CAMK1D: variants seen among roughly 807,000 people sequenced by gnomAD.
CAMK1D encodes the protein calcium/calmodulin-dependent protein kinase type 1D.
In CAMK1D, 9 loss-of-function variants were observed where a neutral mutation model predicts 47.7. The observed-to-expected ratio is 0.19, with a 90% CI of 0.11 to 0.33. The LOEUF is 0.33. CAMK1D is among the 10% of genes least tolerant of loss of function. CAMK1D has a pLI of 1.00. For synonymous variants in CAMK1D, 184 were observed against 184.9 expected (o/e 0.99, Z 0.04); for missense variants, 291 against 488.7 (o/e 0.60, Z 3.81).
intron 1 of CAMK1D, among the ~76,000 whole-genome samples, chr10:12,523,114 G>A (rs1183564205): frequency 2.0e-5 from 3 of 151,610 alleles, no homozygotes; most frequent in African/African-American, 4.8e-5. Flanking sequence ...CAGACGGGGC[G>A]GCTGGGCAGA....
At chr10:12,645,648 T>C (rs1839791553) in intron 2 of CAMK1D, among the ~76,000 whole-genome samples, 1 of 152,200 alleles carries the variant, frequency 6.6e-6, no homozygotes, top group Non-Finnish European at 1.5e-5. Context: ...CACCAAGTGC[T>C]CTAGTCCTAT....
intron 2 of CAMK1D, among the ~76,000 whole-genome samples, chr10:12,635,004 C>T (rs540903373): frequency 1.9e-4 from 29 of 152,290 alleles, no homozygotes; most frequent in Middle Eastern, 3.4e-3. Context: ...AGAGAGGATG[C>T]AGCCGTGACC....
intron 10 of CAMK1D, 102 bp from the exon 11 acceptor site, chr10:12,828,667 C>CCT (rs1554832121): frequency 4.8e-6 from 4 of 839,378 alleles, no homozygotes; most frequent in Middle Eastern, 3.6e-4. Context: ...TGGGCCCCCC[C>CCT]GCCCCCCACC....
chr10:12,397,225 C>T (rs1838995268), intron 1 of CAMK1D, among the ~76,000 whole-genome samples: 1 of 152,066 alleles, frequency 6.6e-6, no homozygotes. Flanking sequence ...CTGTTTTTAA[C>T]ATAAGAGCTG....
At chr10:12,601,193 GTTTTTTT>G (rs770880351) in intron 2 of CAMK1D, among the ~76,000 whole-genome samples, 2 of 43,914 alleles carry the variant, frequency 4.6e-5, no homozygotes, top group African/African-American at 5.9e-5. Context: ...TTGTTTGTTT[GTTTTTTT>G]TTTTTTTTTG....
intron 1 of CAMK1D, among the ~76,000 whole-genome samples, chr10:12,495,290 G>A (rs760575326): frequency 6.6e-6 from 1 of 152,160 alleles, no homozygotes; most frequent in Admixed American, 6.5e-5. Flanking sequence ...AGATTCAGGC[G>A]AACATCCATT....
chr10:12,721,533 CA>C (rs1834377462), intron 3 of CAMK1D, among the ~76,000 whole-genome samples: 2 of 152,010 alleles, frequency 1.3e-5, no homozygotes, highest in African/African-American at 4.8e-5. Flanking sequence ...TCCATCCATC[CA>C]TCCATCCATC....
chr10:12,612,648 G>A (rs1838665088), intron 2 of CAMK1D, among the ~76,000 whole-genome samples: 1 of 152,140 alleles, frequency 6.6e-6, no homozygotes, highest in African/African-American at 2.4e-5. Flanking sequence ...GAGAAAGTGG[G>A]TCCTGGATGG....
intron 3 of CAMK1D, among the ~76,000 whole-genome samples, chr10:12,690,577 A>G (rs967030163): frequency 7.2e-5 from 11 of 152,222 alleles, no homozygotes; most frequent in African/African-American, 2.7e-4. Context: ...TTTTAGCCTC[A>G]CAGTGAGGTA....
intron 2 of CAMK1D, among the ~76,000 whole-genome samples, chr10:12,637,058 A>T (rs919507861): frequency 6.6e-6 from 1 of 151,604 alleles, no homozygotes; most frequent in East Asian, 1.9e-4. Context: ...TGCAACCTCC[A>T]CCTCCCGGGC....
chr10:12,546,074 C>T (rs949635442), intron 1 of CAMK1D, among the ~76,000 whole-genome samples: 15 of 152,118 alleles, frequency 9.9e-5, no homozygotes, highest in African/African-American at 2.7e-4. Flanking sequence ...CCACGGGTAA[C>T]GTGCAAAGGG....
At chr10:12,717,930 A>G (rs1029659705) in intron 3 of CAMK1D, among the ~76,000 whole-genome samples, 2 of 151,998 alleles carry the variant, frequency 1.3e-5, no homozygotes, top group African/African-American at 4.8e-5. Flanking sequence ...ATGCAAAGAA[A>G]GAAATTTCAG....
intron 1 of CAMK1D, among the ~76,000 whole-genome samples, chr10:12,421,379 A>G (rs1840042928): frequency 6.6e-6 from 1 of 152,142 alleles, no homozygotes; most frequent in South Asian, 2.1e-4. Flanking sequence ...CCGGAGCTTC[A>G]AACCCAGATG....
chr10:12,407,218 A>G (rs2724789), intron 1 of CAMK1D, among the ~76,000 whole-genome samples: 2,308 of 152,316 alleles, frequency 0.015, 72 homozygotes, highest in African/African-American at 0.053. Flanking sequence ...TGAGGAACCC[A>G]GGGCAGGAGG....
intron 1 of CAMK1D, among the ~76,000 whole-genome samples, chr10:12,481,512 C>T (rs1834064521): frequency 6.6e-6 from 1 of 151,926 alleles, no homozygotes; most frequent in African/African-American, 2.4e-5. Flanking sequence ...CAATTAAACT[C>T]TTCTCTTTTT....
chr10:12,568,737 TTATTGAAA>T (rs1240148205), intron 2 of CAMK1D, among the ~76,000 whole-genome samples: 1 of 152,124 alleles, frequency 6.6e-6, no homozygotes, highest in Non-Finnish European at 1.5e-5. Context: ...AGTATGCTGC[TTATTGAAA>T]TAATTTCCTA....
At chr10:12,421,018 C>T (rs1464784638) in intron 1 of CAMK1D, among the ~76,000 whole-genome samples, 1 of 152,152 alleles carries the variant, frequency 6.6e-6, no homozygotes, top group African/African-American at 2.4e-5. Context: ...TTGAACAGCA[C>T]CACTCAGAGT....
Position 12,509,049 on chromosome 10 carries a change from CAG to C in CAMK1D, c.93-44173_93-44172del, listed in dbSNP as rs34800698. ...TCACCTTGGAGAGGGGATGTGGGGA[CAG>C]AGTCTTGACCATTCACAGCTGATTG... On this transcript the variant is annotated intron_variant, in intron 1 of 10. Transcript: ENST00000619168. Among the ~76,000 whole-genome samples the C allele has an allele frequency of 6.5e-3, 986 of 152,262 alleles. 4 individuals are homozygous for C. The highest frequency in any genetic ancestry group is 0.015 in the African/African-American group (643 of 41,524).
chr10:12,370,074 A>G (rs916508348), intron 1 of CAMK1D, among the ~76,000 whole-genome samples: 5 of 152,244 alleles, frequency 3.3e-5, no homozygotes, highest in Non-Finnish European at 5.9e-5. Flanking sequence ...TACTGTGGCA[A>G]GTACAATATA....
Sources: gnomAD v4.1 joint callset for allele counts (sites outside exome capture counted in the v4.1 genomes callset) on GRCh38, gnomAD v4.1.1 for gene constraint, MANE v1.5 for transcripts, NCBI Gene and HGNC (gene_info 2026-07-23, HGNC 2026-07-21) for gene names.